CSGALNACT2: variants seen among roughly 807,000 people sequenced by gnomAD.
CSGALNACT2 encodes the protein beta 4 GalNAcT-2.
CSGALNACT2 carries 35 observed loss-of-function variants against 55.3 expected under a neutral mutation model. That is an observed-to-expected ratio of 0.63 (90% CI 0.48 to 0.84). The LOEUF (loss-of-function observed/expected upper bound fraction) is 0.84. Among genes scored for constraint, CSGALNACT2 ranks in the 40% least tolerant of loss-of-function variants. The pLI, the probability that CSGALNACT2 is intolerant of heterozygous loss-of-function variation, is 0.00. For synonymous variants in CSGALNACT2, 196 were observed against 224.9 expected (o/e 0.87, Z 1.15); for missense variants, 544 against 657.5 (o/e 0.83, Z 1.89).
intron 1 of CSGALNACT2, among the ~76,000 whole-genome samples, chr10:43,139,674 TC>T: frequency 6.6e-6 from 1 of 152,360 alleles, no homozygotes; most frequent in Admixed American, 6.5e-5. Context: ...ATCCTTGTTT[TC>T]CCATCTGTAT....
rs531876084 is a variant in CSGALNACT2, at chr10:43,166,392, C to T, written c.1160-612C>T. On this transcript the variant is annotated intron_variant, in intron 5 of 7. Coordinates refer to ENST00000374466, the MANE Select transcript of CSGALNACT2 (RefSeq NM_018590.5). ...AAGCCAGCCATAGCAAGGGTTGCGT[C>T]TCCTGAGGGAAGATGGGCTAGTTAG... 1.2e-4 allele frequency among the ~76,000 whole-genome samples: 18 copies of T among 152,314 alleles called. No homozygotes were observed. In the South Asian group the frequency reaches 3.7e-3, roughly 32 times the overall value.
At chr10:43,141,095 A>G (rs1838610609) in intron 1 of CSGALNACT2, among the ~76,000 whole-genome samples, 1 of 152,184 alleles carries the variant, frequency 6.6e-6, no homozygotes, top group South Asian at 2.1e-4. Flanking sequence ...AAAGTAGGAA[A>G]GGGCCAGGTG....
At chr10:43,156,269 G>T (rs540709461) in intron 2 of CSGALNACT2, among the ~76,000 whole-genome samples, 10 of 152,210 alleles carry the variant, frequency 6.6e-5, no homozygotes, top group African/African-American at 2.4e-4. Context: ...CTGAACAAGG[G>T]GTTATACATA....
intron 1 of CSGALNACT2, among the ~76,000 whole-genome samples, chr10:43,152,225 A>G (rs1838891227): frequency 6.6e-6 from 1 of 152,234 alleles, no homozygotes; most frequent in Non-Finnish European, 1.5e-5. Flanking sequence ...TATTCATGAT[A>G]CAAACACATT....
intron 6 of CSGALNACT2, among the ~76,000 whole-genome samples, chr10:43,174,031 C>T (rs916203850): frequency 2.0e-5 from 3 of 151,966 alleles, no homozygotes; most frequent in Non-Finnish European, 2.9e-5. Context: ...TTCATTTTGC[C>T]ACTAAAATTA....
chr10:43,163,012 T>C (rs1370896306), intron 4 of CSGALNACT2: 2 of 985,196 alleles, frequency 2.0e-6, no homozygotes, highest in African/African-American at 1.7e-5. Context: ...TTGACCCTTA[T>C]CTCACTGTTC....
chr10:43,167,811 T>C (rs180679083), intron 6 of CSGALNACT2, among the ~76,000 whole-genome samples: 21 of 152,172 alleles, frequency 1.4e-4, no homozygotes, highest in Admixed American at 1.3e-3. Flanking sequence ...AAATTGCTTT[T>C]AACATAATCT....
intron 1 of CSGALNACT2, among the ~76,000 whole-genome samples, chr10:43,152,009 G>C (rs1251813558): frequency 2.6e-5 from 4 of 152,202 alleles, no homozygotes; most frequent in African/African-American, 9.7e-5. Context: ...GTAAAAGGAA[G>C]TCAGTTTTTT....
chr10:43,183,291 G>A lies in CSGALNACT2; in HGVS notation c.1378G>A (p.Val460Ile), dbSNP rs779819845. The change falls in exon 8 of 8, where the codon GTT becomes ATT. Residue 460 changes from valine to isoleucine, a missense_variant. Transcript: ENST00000374466. Reference sequence around the variant, plus strand: ...AGTGAAAGGTTGGGGTGGAGAAGATGTTCATCTTTATCGAAAATACTTACA... The same window carrying A: ...AGTGAAAGGTTGGGGTGGAGAAGATATTCATCTTTATCGAAAATACTTACA... The part of the protein sequence containing the change: ...MEVKGWGGED[V>I]HLYRKYLHGD... 1 of 1,613,840 alleles carries A rather than the reference G, an allele frequency of 6.2e-7. No individual in the cohort carries two copies. The highest frequency in any genetic ancestry group is 1.7e-5 in the Admixed American group (1 of 60,026).
intron 1 of CSGALNACT2, among the ~76,000 whole-genome samples, chr10:43,147,713 A>G (rs1838788191): frequency 7.0e-6 from 1 of 143,518 alleles, no homozygotes; most frequent in African/African-American, 2.6e-5. Context: ...CTTTTCATGT[A>G]TTTATATAGG....
intron 1 of CSGALNACT2, among the ~76,000 whole-genome samples, chr10:43,154,337 T>C (rs921477967): frequency 2.0e-5 from 3 of 152,254 alleles, no homozygotes; most frequent in Non-Finnish European, 1.5e-5. Flanking sequence ...TAATACAGAC[T>C]ATGCTGACGT....
At chr10:43,176,878 T>C (rs578133234) in intron 7 of CSGALNACT2, among the ~76,000 whole-genome samples, 1 of 152,310 alleles carries the variant, frequency 6.6e-6, no homozygotes, top group East Asian at 1.9e-4. Flanking sequence ...CTAGCTTCAG[T>C]CTTACCCAGC....
At chr10:43,178,618 C>CA (rs201493922) in intron 7 of CSGALNACT2, among the ~76,000 whole-genome samples, 7,767 of 64,448 alleles carry the variant, frequency 0.12, 266 homozygotes, top group South Asian at 0.19. Flanking sequence ...GAGACTCCAT[C>CA]AAAAAAAAAA....
chr10:43,182,342 C>T (rs1050463237), intron 7 of CSGALNACT2, among the ~76,000 whole-genome samples: 1 of 152,164 alleles, frequency 6.6e-6, no homozygotes, highest in African/African-American at 2.4e-5. Context: ...CACCTGGGGC[C>T]ACTTCTCAAT....
At chr10:43,175,386 A>AGTAGG (rs1839458512) in intron 6 of CSGALNACT2, among the ~76,000 whole-genome samples, 1 of 152,210 alleles carries the variant, frequency 6.6e-6, no homozygotes, top group Admixed American at 6.5e-5. Flanking sequence ...AAAGTTCCCA[A>AGTAGG]CAACCACCCT....
In CSGALNACT2 at chr10:43,155,108, C is replaced by T; in HGVS notation, c.-42C>T. The stretch of plus-strand genomic sequence containing the variant: ...TAACTTTTTACTAAAGGTATGAACA[C>T]ACAAAGAGCTTATTTTGTTAGGCAA... On this transcript the variant is annotated 5_prime_UTR_variant, in exon 2 of 8. Coordinates refer to ENST00000374466, the MANE Select transcript of CSGALNACT2 (RefSeq NM_018590.5). 1.3e-6 allele frequency: 2 copies of T among 1,483,338 alleles called. No individual in the cohort carries two copies. The highest frequency in any genetic ancestry group is 1.9e-6 in the Non-Finnish European group (2 of 1,076,184). 91.9% of individuals were successfully genotyped at this position (1,483,338 alleles called of 1,614,324 possible).
rs200585475 is a variant in CSGALNACT2, at chr10:43,183,235, A to G, written c.1337-15A>G. The G allele has an allele frequency of 2.1e-5, 34 of 1,602,756 alleles. No homozygotes were observed. The highest frequency in any genetic ancestry group is 2.3e-5 in the Non-Finnish European group (27 of 1,169,744). On this transcript the variant is annotated splice_polypyrimidine_tract_variant and intron_variant, in intron 7 of 7. Coordinates refer to ENST00000374466, the MANE Select transcript of CSGALNACT2 (RefSeq NM_018590.5). ...TAATAGGCAGTTATTTATAGTGTCAATTTTGATCTTACAGGTGGATTTGAC... is the reference window on the plus strand; with the variant it reads ...TAATAGGCAGTTATTTATAGTGTCAGTTTTGATCTTACAGGTGGATTTGAC...
At chr10:43,182,715 CAAA>C (rs773763712) in intron 7 of CSGALNACT2, among the ~76,000 whole-genome samples, 7 of 128,004 alleles carry the variant, frequency 5.5e-5, no homozygotes, top group Admixed American at 8.0e-5. Context: ...CCATCTCCAC[CAAA>C]AAAAAAAAAA....
intron 6 of CSGALNACT2, among the ~76,000 whole-genome samples, chr10:43,169,071 T>TGTGCATGTGG (rs1839330238): frequency 6.6e-6 from 1 of 152,266 alleles, no homozygotes; most frequent in East Asian, 1.9e-4. Context: ...GGATTGACCC[T>TGTGCATGTGG]CAGTCTAAGG....
Sources: allele counts gnomAD v4.1 joint callset (sites outside exome capture counted in the v4.1 genomes callset), GRCh38; gene constraint gnomAD v4.1.1; transcripts MANE v1.5; gene names NCBI Gene and HGNC (gene_info 2026-07-23, HGNC 2026-07-21).